The following BNC2 variants were observed in gnomAD, a reference collection of about 807,000 sequenced individuals.
BNC2 encodes the protein basonuclin zinc finger protein 2.
In BNC2, 20 loss-of-function variants were observed where a neutral mutation model predicts 76.3. The ratio of observed to expected loss-of-function variants is 0.26; its 90% CI spans 0.18 to 0.38. The LOEUF (loss-of-function observed/expected upper bound fraction) is 0.38, where lower values mean the gene tolerates loss of function less well. BNC2 is among the 10% of genes least tolerant of loss of function. The probability of loss-of-function intolerance (pLI) is 1.00; values close to 1 mark genes in which losing one functional copy is unlikely to be tolerated. For synonymous variants in BNC2, 582 were observed against 514.8 expected (o/e 1.13, Z -1.77); for missense variants, 1,382 against 1,399.8 (o/e 0.99, Z 0.20).
At chr9:16,649,087 C>T (rs982399192) in intron 3 of BNC2, among the ~76,000 whole-genome samples, 2 of 152,106 alleles carry the variant, frequency 1.3e-5, no homozygotes, top group African/African-American at 4.8e-5. Context: ...ATGCTTTGTA[C>T]ACTACTGGGA....
chr9:16,738,477 A>C lies in BNC2; in HGVS notation c.12T>G (p.Leu4=). 8 of 1,614,066 alleles carry C rather than the reference A, an allele frequency of 5.0e-6. No homozygotes were observed. The highest frequency in any genetic ancestry group is 6.8e-6 in the Non-Finnish European group (8 of 1,179,972). MAH[L]GPTPPPHSLN... is the part of the protein sequence containing the mutation. ...GGCTATGTGGAGGTGGGGTGGGCCC[A>C]AGGTGTGCCTATTGAGAGATTGGGA... Residue 4 remains leucine, a synonymous_variant, in exon 2 of 7, where the codon CTT becomes CTG. Transcript: ENST00000380672.
At chr9:16,451,039 T>C (rs1006966506) in intron 5 of BNC2, among the ~76,000 whole-genome samples, 53 of 132,218 alleles carry the variant, frequency 4.0e-4, no homozygotes, top group African/African-American at 1.7e-3. Flanking sequence ...TACAGCTGAG[T>C]AAAGTGAATT....
chr9:16,548,014 T>C (rs1818541180), intron 5 of BNC2, among the ~76,000 whole-genome samples: 1 of 152,178 alleles, frequency 6.6e-6, no homozygotes. Context: ...ATGTACCAAT[T>C]GTGCTGGTAA....
At chr9:16,697,648 G>C (rs1228911135) in intron 3 of BNC2, among the ~76,000 whole-genome samples, 2 of 151,632 alleles carry the variant, frequency 1.3e-5, no homozygotes, top group Non-Finnish European at 2.9e-5. Flanking sequence ...GCTTAAACCT[G>C]GGAGATGGAG....
chr9:16,780,925 A>T (rs1404601950), intron 1 of BNC2, among the ~76,000 whole-genome samples: 1 of 152,162 alleles, frequency 6.6e-6, no homozygotes, highest in Non-Finnish European at 1.5e-5. Flanking sequence ...ATTTAATAAC[A>T]GATCTATTCC....
chr9:16,538,739 G>A (rs866496535), intron 5 of BNC2, among the ~76,000 whole-genome samples: 1 of 152,054 alleles, frequency 6.6e-6, no homozygotes, highest in Admixed American at 6.6e-5. Flanking sequence ...TGAAATTTAC[G>A]TTAGTCAGTC....
rs1301907478 is a variant in BNC2, at chr9:16,410,561, A to G, written c.*8428T>C. On this transcript the variant is annotated 3_prime_UTR_variant, in exon 7 of 7. Transcript: ENST00000380672. ...ATGCACCATATACTAGAAATCTTAGATAGTCTTATCAGGTTAAGATATAAT... is the reference window on the plus strand; with the variant it reads ...ATGCACCATATACTAGAAATCTTAGGTAGTCTTATCAGGTTAAGATATAAT... 6.6e-6 allele frequency: 1 copy of G among 152,646 alleles called. No individual in the cohort carries two copies. Among genetic ancestry groups the G allele is most frequent in the Non-Finnish European group, 1.5e-5 (1 of 68,036 alleles). The allele number at this position is 152,646 out of a possible 1,614,324, so 9.5% of individuals were successfully genotyped here. A position where few individuals can be genotyped will look rare whatever the true frequency, so the allele number is the denominator to read the frequency against.
chr9:16,628,642 C>T (rs982114048), intron 3 of BNC2, among the ~76,000 whole-genome samples: 1 of 152,126 alleles, frequency 6.6e-6, no homozygotes, highest in Non-Finnish European at 1.5e-5. Flanking sequence ...CAGAGCAATT[C>T]GCAGATTATC....
chr9:16,524,509 G>A (rs1302683773), intron 5 of BNC2, among the ~76,000 whole-genome samples: 1 of 151,872 alleles, frequency 6.6e-6, no homozygotes, highest in East Asian at 1.9e-4. Context: ...TTTGGGGGGT[G>A]ATTTCTTATT....
intron 1 of BNC2, among the ~76,000 whole-genome samples, chr9:16,819,135 TAAAC>T (rs952201963): frequency 2.6e-5 from 4 of 152,286 alleles, no homozygotes; most frequent in East Asian, 1.9e-4. Flanking sequence ...CATCTGTATT[TAAAC>T]AAACAAACAA....
chr9:16,861,766 G>A (rs113593132), intron 1 of BNC2, among the ~76,000 whole-genome samples: 8,134 of 152,302 alleles, frequency 0.053, 335 homozygotes, highest in Non-Finnish European at 0.08. Context: ...GAGGCGGGAG[G>A]ATGACGAGGT....
chr9:16,465,026 C>G (rs951037408), intron 5 of BNC2, among the ~76,000 whole-genome samples: 6 of 152,164 alleles, frequency 3.9e-5, no homozygotes, highest in African/African-American at 1.2e-4. Flanking sequence ...CACTCTCTTG[C>G]CCAAAGTTCT....
At chr9:16,611,767 T>TAATG (rs754369886) in intron 3 of BNC2, among the ~76,000 whole-genome samples, 1 of 152,198 alleles carries the variant, frequency 6.6e-6, no homozygotes, top group Non-Finnish European at 1.5e-5. Context: ...TTCTCTGGAA[T>TAATG]AATGATTAAG....
At chr9:16,787,824 T>C (rs1826339329) in intron 1 of BNC2, among the ~76,000 whole-genome samples, 2 of 152,170 alleles carry the variant, frequency 1.3e-5, no homozygotes, top group Admixed American at 6.5e-5. Context: ...GTGCTAGGAT[T>C]AGAAGCATGA....
chr9:16,452,041 C>T (rs918030014), intron 5 of BNC2, among the ~76,000 whole-genome samples: 2 of 152,110 alleles, frequency 1.3e-5, no homozygotes, highest in Admixed American at 6.6e-5. Context: ...CTGACCTGGT[C>T]GAGTGCTTTT....
chr9:16,657,019 G>T (rs1821950087), intron 3 of BNC2, among the ~76,000 whole-genome samples: 1 of 152,156 alleles, frequency 6.6e-6, no homozygotes, highest in African/African-American at 2.4e-5. Context: ...GCTGACTATA[G>T]TGGGGCAAGG....
intron 1 of BNC2, among the ~76,000 whole-genome samples, chr9:16,855,476 G>C (rs1431486282): frequency 6.6e-6 from 1 of 152,206 alleles, no homozygotes. Flanking sequence ...AAGGCAATTA[G>C]AAGTCCCATG....
chr9:16,529,320 T>TCC (rs1817908010), intron 5 of BNC2, among the ~76,000 whole-genome samples: 1 of 152,148 alleles, frequency 6.6e-6, no homozygotes. Context: ...CAGTAGGATA[T>TCC]AAGAAAAATA....
At position 16,437,297 on chromosome 9, in the gene BNC2, A is replaced by T. The variant is rs374955786; in HGVS notation, c.897T>A (p.Ala299=). The T allele has an allele frequency of 2.2e-5, 36 of 1,614,012 alleles. No individual in the cohort carries two copies. The highest frequency in any genetic ancestry group is 2.8e-5 in the Non-Finnish European group (33 of 1,180,028). Reference sequence around the variant, plus strand: ...TGGAAGGATTGCTGTTCTCTAAGTGAGCAAGGAGGCTGGGACTCCTGGTGC... The same window carrying T: ...TGGAAGGATTGCTGTTCTCTAAGTGTGCAAGGAGGCTGGGACTCCTGGTGC... ...NNRTRSPSLL[A]HLENSNPSSI... Residue 299 remains alanine (A), a synonymous_variant, in exon 6 of 7, where the codon GCT becomes GCA. Coordinates refer to ENST00000380672, the MANE Select transcript of BNC2 (RefSeq NM_017637.6).
Sources: allele counts gnomAD v4.1 joint callset (sites outside exome capture counted in the v4.1 genomes callset), GRCh38; gene constraint gnomAD v4.1.1; transcripts MANE v1.5; gene names NCBI Gene and HGNC (gene_info 2026-07-23, HGNC 2026-07-21).